The following RPTOR variants were observed in gnomAD, a reference collection of about 807,000 sequenced individuals.
RPTOR encodes the protein regulatory associated protein of MTOR complex 1.
RPTOR carries 21 observed loss-of-function variants against 169.9 expected under a neutral mutation model. The observed-to-expected ratio is 0.12, with a 90% CI of 0.09 to 0.18. The LOEUF (loss-of-function observed/expected upper bound fraction) is 0.18, where lower values mean the gene tolerates loss of function less well. Among genes scored for constraint, RPTOR ranks in the 10% least tolerant of loss-of-function variants. RPTOR has a pLI of 1.00. For missense variants in RPTOR, 1,133 were observed against 1,855.9 expected, an observed-to-expected ratio of 0.61 and a Z score of 7.16; for synonymous variants, 732 against 753.2, an observed-to-expected ratio of 0.97 and a Z score of 0.46.
chr17:80,867,156 C>G (rs2068002059), intron 13 of RPTOR, among the ~76,000 whole-genome samples: 1 of 152,012 alleles, frequency 6.6e-6, no homozygotes, highest in Non-Finnish European at 1.5e-5. Flanking sequence ...AAAAACAAAA[C>G]ATGATCTAGT....
intron 2 of RPTOR, among the ~76,000 whole-genome samples, chr17:80,632,454 A>T (rs2065449811): frequency 6.6e-6 from 1 of 152,108 alleles, no homozygotes; most frequent in Admixed American, 6.5e-5. Context: ...AGTCTCTTTG[A>T]TCAGTATTTA....
At chr17:80,919,331 G>A (rs74321988) in intron 21 of RPTOR, among the ~76,000 whole-genome samples, 1 of 152,170 alleles carries the variant, frequency 6.6e-6, no homozygotes, top group African/African-American at 2.4e-5. Context: ...TAGCCCAAAA[G>A]TGCCTCTGGA....
In RPTOR at chr17:80,659,510, A is replaced by G. The variant is rs2065704982; in HGVS notation, c.348+15700A>G. On this transcript the variant is annotated intron_variant, in intron 3 of 33. Transcript: ENST00000306801. This position sits in a 1 kb window ranked among gnomAD's most constrained non-coding sequence, Gnocchi z 4.3. ...CCATACCTGGCTAATTTTTATTTTT[A>G]TTTATTTATTTTTTTTCAGTTGGAG... is the stretch of plus-strand genomic sequence containing the variant. Among the ~76,000 whole-genome samples, 1 of 151,424 alleles carries G rather than the reference A, an allele frequency of 6.6e-6. No homozygotes were observed. The highest frequency in any genetic ancestry group is 2.4e-5 in the African/African-American group (1 of 41,176).
At chr17:80,584,561 G>A (rs1371752074) in intron 1 of RPTOR, among the ~76,000 whole-genome samples, 1 of 151,958 alleles carries the variant, frequency 6.6e-6, no homozygotes, top group African/African-American at 2.4e-5. Context: ...TCCTTTATGT[G>A]TTACTCCGTT....
chr17:80,682,924 C>T (rs1379699852), intron 3 of RPTOR, among the ~76,000 whole-genome samples: 1 of 152,130 alleles, frequency 6.6e-6, no homozygotes, highest in African/African-American at 2.4e-5. Flanking sequence ...CCTCAGCCTC[C>T]TGAGTAGCTG....
chr17:80,650,482 G>A (rs1599635083), intron 3 of RPTOR, among the ~76,000 whole-genome samples: 1 of 152,202 alleles, frequency 6.6e-6, no homozygotes, highest in Admixed American at 6.5e-5. Flanking sequence ...GGGAAATGTG[G>A]TCTCCTTTCT....
chr17:80,900,794 A>C (rs1353211548), intron 20 of RPTOR, among the ~76,000 whole-genome samples: 1 of 152,160 alleles, frequency 6.6e-6, no homozygotes, highest in Non-Finnish European at 1.5e-5. Flanking sequence ...TCAAAATAAA[A>C]AGTTGCACCT....
At chr17:80,784,688 C>T (rs1038518252) in intron 6 of RPTOR, among the ~76,000 whole-genome samples, 14 of 145,144 alleles carry the variant, frequency 9.6e-5, no homozygotes, top group African/African-American at 3.1e-4. Flanking sequence ...CCACTGTGCC[C>T]GGCCTATTTT....
At chr17:80,782,298 A>C (rs1456100183) in intron 6 of RPTOR, among the ~76,000 whole-genome samples, 1 of 152,222 alleles carries the variant, frequency 6.6e-6, no homozygotes, top group Non-Finnish European at 1.5e-5. Context: ...CTTTATATAG[A>C]AAGAACAAGT....
At chr17:80,558,881 C>T (rs2084443770) in intron 1 of RPTOR, among the ~76,000 whole-genome samples, 1 of 152,200 alleles carries the variant, frequency 6.6e-6, no homozygotes, top group South Asian at 2.1e-4. Flanking sequence ...CTACCTTAAT[C>T]TAAAGAAGTC....
chr17:80,892,239 G>A (rs2068334453), intron 18 of RPTOR, among the ~76,000 whole-genome samples: 1 of 152,126 alleles, frequency 6.6e-6, no homozygotes, highest in Non-Finnish European at 1.5e-5. Context: ...TTTGACTGGA[G>A]AGTACAGTTC....
chr17:80,547,646 A>G (rs748196816), intron 1 of RPTOR, among the ~76,000 whole-genome samples: 3 of 152,132 alleles, frequency 2.0e-5, no homozygotes, highest in East Asian at 1.9e-4. Flanking sequence ...GAATCTTGTC[A>G]TCTCTTCCCT....
At chr17:80,594,125 G>A (rs926126307) in intron 1 of RPTOR, among the ~76,000 whole-genome samples, 3 of 149,800 alleles carry the variant, frequency 2.0e-5, no homozygotes, top group South Asian at 4.2e-4. Flanking sequence ...ACAGAGTCTC[G>A]CTCTATCACC....
chr17:80,954,184 G>T (rs1013829593), intron 28 of RPTOR, among the ~76,000 whole-genome samples: 1 of 151,178 alleles, frequency 6.6e-6, no homozygotes, highest in African/African-American at 2.4e-5. Context: ...GTACAATGGC[G>T]GATCTTGGCT....
At chr17:80,571,658 C>G (rs1175235441) in intron 1 of RPTOR, among the ~76,000 whole-genome samples, 4 of 152,144 alleles carry the variant, frequency 2.6e-5, no homozygotes, top group African/African-American at 9.7e-5. Context: ...GTAACTGAGA[C>G]TGCAGGTGCA....
chr17:80,554,137 T>C (rs970052724), intron 1 of RPTOR, among the ~76,000 whole-genome samples: 1 of 152,144 alleles, frequency 6.6e-6, no homozygotes, highest in Non-Finnish European at 1.5e-5. Context: ...GTGATCCTCC[T>C]GCCTCAGCCT....
chr17:80,654,590 G>C (rs2065666148), intron 3 of RPTOR, among the ~76,000 whole-genome samples: 1 of 152,228 alleles, frequency 6.6e-6, no homozygotes, highest in African/African-American at 2.4e-5. Flanking sequence ...ATTACCCATG[G>C]CTTGTATAAG....
rs1311566685 is a variant in RPTOR at position 80,876,712 on chromosome 17, G to A, written c.1510-3703G>A. ...TCCACCAAGCCCCTCCACCCAGGAT[G>A]TGTGTGTCGCCTGCCGGGTCTTCCA... On this transcript the variant is annotated intron_variant, in intron 13 of 33. Coordinates refer to ENST00000306801, the MANE Select transcript of RPTOR (RefSeq NM_020761.3). Among the ~76,000 whole-genome samples the A allele has an allele frequency of 5.0e-5, 6 of 121,192 alleles. No individual in the cohort carries two copies. The East Asian group carries it at 1.4e-3, about 28-fold the overall frequency. 79.5% of individuals were successfully genotyped at this position (121,192 alleles called of 152,430 possible).
At position 80,562,164 on chromosome 17, in the gene RPTOR, A is replaced by G. The variant is rs529224376; in HGVS notation, c.162+16373A>G. On this transcript the variant is annotated intron_variant, in intron 1 of 33. Transcript: ENST00000306801. The surrounding 1 kb of genome is among the most constrained non-coding windows in gnomAD (Gnocchi z 4.4). The stretch of plus-strand genomic sequence containing the variant: ...GGAAGCAGAATTGCGACCCTTGGTG[A>G]CTGCTTGGGTGCAGGAGGATGCAGG... 1.3e-5 allele frequency among the ~76,000 whole-genome samples: 2 copies of G among 152,194 alleles called. No individual in the cohort carries two copies. Among genetic ancestry groups the G allele is most frequent in the African/African-American group, 4.8e-5 (2 of 41,534 alleles).
Sources: allele counts gnomAD v4.1 joint callset (sites outside exome capture counted in the v4.1 genomes callset), GRCh38; gene constraint gnomAD v4.1.1; non-coding constraint Gnocchi (gnomAD v3.1); transcripts MANE v1.5; gene names NCBI Gene and HGNC (gene_info 2026-07-23, HGNC 2026-07-21).